CNNM2: variants seen among roughly 807,000 people sequenced by gnomAD.
CNNM2 encodes metal transporter CNNM2.
A neutral mutation model predicts 66.9 loss-of-function variants in CNNM2; 12 were observed. The observed-to-expected ratio is 0.18, with a 90% CI of 0.11 to 0.29. The LOEUF (loss-of-function observed/expected upper bound fraction) is 0.29, where lower values mean the gene tolerates loss of function less well. Among genes scored for constraint, CNNM2 ranks in the 10% least tolerant of loss-of-function variants. The pLI, the probability that CNNM2 is intolerant of heterozygous loss-of-function variation, is 1.00. For missense variants in CNNM2, 705 were observed against 1,167.7 expected, an observed-to-expected ratio of 0.60 and a Z score of 5.77; for synonymous variants, 557 against 501.8, an observed-to-expected ratio of 1.11 and a Z score of -1.47.
intron 1 of CNNM2, among the ~76,000 whole-genome samples, chr10:102,992,344 C>G (rs1386582616): frequency 7.2e-6 from 1 of 139,694 alleles, no homozygotes; most frequent in Admixed American, 7.8e-5. Context: ...GTGATCTTGG[C>G]TCACTGCAAC....
intron 1 of CNNM2, among the ~76,000 whole-genome samples, chr10:102,990,110 A>G (rs1353674032): frequency 1.3e-5 from 2 of 151,728 alleles, no homozygotes; most frequent in Non-Finnish European, 2.9e-5. Context: ...ACACCTGGCT[A>G]ATTCTTTGTT....
chr10:102,960,897 GTT>G (rs202024113), intron 1 of CNNM2, among the ~76,000 whole-genome samples: 1 of 138,800 alleles, frequency 7.2e-6, no homozygotes, highest in Admixed American at 7.4e-5. Context: ...GTGATTCTCT[GTT>G]TTTTTTTTTT....
chr10:102,995,987 A>G (rs538412751), intron 1 of CNNM2, among the ~76,000 whole-genome samples: 63 of 152,306 alleles, frequency 4.1e-4, no homozygotes, highest in African/African-American at 1.5e-3. Flanking sequence ...GGCATGAGCC[A>G]CCGTGCCTGG....
intron 1 of CNNM2, among the ~76,000 whole-genome samples, chr10:102,941,768 A>G (rs1038292512): frequency 6.6e-6 from 1 of 151,820 alleles, no homozygotes; most frequent in African/African-American, 2.4e-5. Flanking sequence ...CTACTGTACT[A>G]TATCTTATTC....
intron 1 of CNNM2, among the ~76,000 whole-genome samples, chr10:103,042,467 TCAAGGTTTATTC>T (rs2065059686): frequency 6.6e-6 from 1 of 152,174 alleles, no homozygotes; most frequent in Non-Finnish European, 1.5e-5. Context: ...CCTTTTCACT[TCAAGGTTTATTC>T]TTCTATTAGT....
At chr10:103,030,118 T>G (rs377257950) in intron 1 of CNNM2, among the ~76,000 whole-genome samples, 10 of 152,226 alleles carry the variant, frequency 6.6e-5, no homozygotes, top group African/African-American at 2.2e-4. Context: ...ATATCTAGTT[T>G]GGGGAATTGG....
At chr10:103,041,696 C>A (rs908346478) in intron 1 of CNNM2, among the ~76,000 whole-genome samples, 1 of 152,168 alleles carries the variant, frequency 6.6e-6, no homozygotes, top group African/African-American at 2.4e-5. Flanking sequence ...CGTGACCTTT[C>A]GGCTGCATTT....
chr10:103,054,226 A>G lies in CNNM2; in HGVS notation c.1766-103A>G, dbSNP rs1240671243. 8.3e-6 allele frequency: 11 copies of G among 1,318,380 alleles called. No individual in the cohort carries two copies. Among genetic ancestry groups the G allele is most frequent in the Non-Finnish European group, 1.1e-5 (11 of 958,178 alleles). The allele number at this position is 1,318,380 out of a possible 1,614,324, so 81.7% of individuals were successfully genotyped here. On this transcript the variant is annotated intron_variant, in intron 2 of 7. Transcript: ENST00000369878. The surrounding 1 kb of genome is among the most constrained non-coding windows in gnomAD (Gnocchi z 5.2). ...GCATAGAGCGCCTGCATCTGGAAAT[A>G]CAGTCCAGCTCTTCCAATATATTTT...
At chr10:103,043,513 AT>A (rs2065078586) in intron 1 of CNNM2, among the ~76,000 whole-genome samples, 1 of 152,232 alleles carries the variant, frequency 6.6e-6, no homozygotes, top group Non-Finnish European at 1.5e-5. Context: ...GTCATTTAAA[AT>A]TTGAGCCTAG....
rs1206577839 is a variant in CNNM2, at chr10:102,976,425, C to CTTTT, written c.1621+56347_1621+56350dup. 7.2e-4 allele frequency among the ~76,000 whole-genome samples: 25 copies of CTTTT among 34,720 alleles called. 3 individuals carry two copies. The highest frequency in any genetic ancestry group is 0.023 in the Middle Eastern group (1 of 44). The allele number at this position is 34,720 out of a possible 152,430, so 22.8% of individuals were successfully genotyped here. On this transcript the variant is annotated intron_variant, in intron 1 of 7. Coordinates refer to ENST00000369878, the MANE Select transcript of CNNM2 (RefSeq NM_017649.5). The stretch of plus-strand genomic sequence containing the variant: ...TTACAGTATCAGTTCCAATTCTTGC[C>CTTTT]TTTTTTTTTTTTTTTTTTTTTTTTT...
Position 103,068,631 on chromosome 10 carries a change from G to C in CNNM2, c.2076G>C (p.Gly692=). 3 of 1,610,824 alleles carry C rather than the reference G, an allele frequency of 1.9e-6. No homozygotes were observed. The highest frequency in any genetic ancestry group is 2.5e-6 in the Non-Finnish European group (3 of 1,178,458). ...ATACCTGCCTTTTCTCTCCACAGGG[G>C]AAAGTGGAAGTTGAAGCTGGGAAAG... The part of the protein sequence containing the change: ...PVDYFVLILQ[G]KVEVEAGKEG... The change falls in exon 5 of 8, where the codon GGG becomes GGC. Residue 692 remains glycine (G), a splice_region_variant and synonymous_variant. Coordinates refer to ENST00000369878, the MANE Select transcript of CNNM2 (RefSeq NM_017649.5).
chr10:102,927,738 G>A (rs953871399), intron 1 of CNNM2: 3 of 257,382 alleles, frequency 1.2e-5, no homozygotes, highest in Admixed American at 9.9e-5. Context: ...GGACGACAAA[G>A]TGAGACTCTG....
At chr10:102,927,984 T>A (rs1014527537) in intron 1 of CNNM2, among the ~76,000 whole-genome samples, 1 of 152,200 alleles carries the variant, frequency 6.6e-6, no homozygotes, top group Non-Finnish European at 1.5e-5. Flanking sequence ...ATTCACATGC[T>A]GTGGGGAGGA....
intron 1 of CNNM2, among the ~76,000 whole-genome samples, chr10:102,940,640 G>C (rs183166667): frequency 4.3e-4 from 65 of 151,164 alleles, no homozygotes; most frequent in Non-Finnish European, 8.3e-4. Flanking sequence ...GGATGGTCTT[G>C]ATCTCCTGAC....
intron 1 of CNNM2, among the ~76,000 whole-genome samples, chr10:102,980,007 G>A (rs1260970172): frequency 6.6e-6 from 1 of 151,780 alleles, no homozygotes; most frequent in Non-Finnish European, 1.5e-5. Context: ...TCTGCCTCCT[G>A]GGTTCAAGCC....
intron 1 of CNNM2, among the ~76,000 whole-genome samples, chr10:102,963,083 A>T (rs2063409812): frequency 6.6e-6 from 1 of 152,172 alleles, no homozygotes; most frequent in Non-Finnish European, 1.5e-5. Flanking sequence ...CTGAAATCAT[A>T]TGGCCAATCA....
chr10:102,927,377 C>G, intron 1 of CNNM2: 1 of 1,613,866 alleles, frequency 6.2e-7, no homozygotes, highest in East Asian at 2.2e-5. Context: ...ATCATACCAA[C>G]ACTGAAAAGA....
intron 1 of CNNM2, among the ~76,000 whole-genome samples, chr10:102,972,533 A>G (rs2134217760): frequency 6.6e-6 from 1 of 152,278 alleles, no homozygotes; most frequent in Middle Eastern, 3.4e-3. Context: ...GCTACTCGGG[A>G]GGCTGAGGCA....
At chr10:103,000,649 T>C (rs1329442178) in intron 1 of CNNM2, among the ~76,000 whole-genome samples, 2 of 152,148 alleles carry the variant, frequency 1.3e-5, no homozygotes, top group African/African-American at 2.4e-5. Context: ...TTTCACCATA[T>C]TGGCCAGGCT....
Sources: gnomAD v4.1 joint callset for allele counts (sites outside exome capture counted in the v4.1 genomes callset) on GRCh38, gnomAD v4.1.1 for gene constraint, Gnocchi (gnomAD v3.1) non-coding constraint, MANE v1.5 for transcripts, NCBI Gene and HGNC (gene_info 2026-07-23, HGNC 2026-07-21) for gene names.